The following RAD51B variants were observed in gnomAD, a reference collection of about 807,000 sequenced individuals.
RAD51B encodes the protein DNA repair protein RAD51 homolog 2.
In RAD51B, 38 loss-of-function variants were observed where a neutral mutation model predicts 42.2. That is an observed-to-expected ratio of 0.90 (90% CI 0.70 to 1.18). The LOEUF (loss-of-function observed/expected upper bound fraction) is 1.18, where lower values mean the gene tolerates loss of function less well. RAD51B is among the 50% of genes most tolerant of loss of function. RAD51B has a pLI of 0.00. For missense variants in RAD51B, 373 were observed against 400.7 expected, an observed-to-expected ratio of 0.93 and a Z score of 0.59; for synonymous variants, 154 against 145.2, an observed-to-expected ratio of 1.06 and a Z score of -0.43.
intron 10 of RAD51B, among the ~76,000 whole-genome samples, chr14:68,527,909 G>A (rs1032925687): frequency 6.6e-6 from 1 of 152,164 alleles, no homozygotes; most frequent in Non-Finnish European, 1.5e-5. Context: ...GAATTGTAAG[G>A]ATATTTGTGT....
At chr14:67,968,730 C>T (rs114280353) in intron 7 of RAD51B, among the ~76,000 whole-genome samples, 10,792 of 152,202 alleles carry the variant, frequency 0.071, 944 homozygotes, top group African/African-American at 0.21. Flanking sequence ...CTAGGAGGTT[C>T]CAAACCATCC....
chr14:68,574,978 G>A lies in RAD51B; in HGVS notation c.1037-19507G>A, dbSNP rs1332893261. On this transcript the variant is annotated intron_variant, in intron 10 of 10. Coordinates refer to the RAD51B transcript ENST00000487270. The stretch of plus-strand genomic sequence containing the variant: ...CCAAATCCACTCTGAGGTTAGAGAA[G>A]AGGAAAGCACGCCATTGACTGGTTT... 5.3e-5 allele frequency among the ~76,000 whole-genome samples: 8 copies of A among 152,314 alleles called. No homozygotes were observed. The East Asian group carries it at 1.5e-3, about 29-fold the overall frequency.
At chr14:68,038,289 ATTCTTTAGG>A (rs1226697469) in intron 7 of RAD51B, among the ~76,000 whole-genome samples, 1 of 152,244 alleles carries the variant, frequency 6.6e-6, no homozygotes, top group Non-Finnish European at 1.5e-5. Flanking sequence ...CATAGAAAAC[ATTCTTTAGG>A]ATTCAATTAT....
intron 10 of RAD51B, among the ~76,000 whole-genome samples, chr14:68,558,711 G>A (rs192224928): frequency 7.2e-5 from 11 of 152,142 alleles, no homozygotes; most frequent in African/African-American, 2.4e-4. Context: ...GACACCAGCC[G>A]TATTGGATTG....
At chr14:68,073,947 G>A (rs1471718997) in intron 7 of RAD51B, among the ~76,000 whole-genome samples, 1 of 152,136 alleles carries the variant, frequency 6.6e-6, no homozygotes, top group Non-Finnish European at 1.5e-5. Context: ...CTCTCTAGGT[G>A]CCTTTAATAT....
intron 7 of RAD51B, among the ~76,000 whole-genome samples, chr14:67,952,579 A>T (rs2074473977): frequency 6.6e-6 from 1 of 152,096 alleles, no homozygotes; most frequent in African/African-American, 2.4e-5. Flanking sequence ...GGAAGGACAG[A>T]TGCTATAGCT....
chr14:68,150,126 C>T (rs1317495530), intron 7 of RAD51B, among the ~76,000 whole-genome samples: 1 of 152,036 alleles, frequency 6.6e-6, no homozygotes, highest in African/African-American at 2.4e-5. Context: ...GTATTTTTAA[C>T]AAGAGACAGG....
chr14:68,072,210 T>TATATA (rs2076762885), intron 7 of RAD51B, among the ~76,000 whole-genome samples: 9 of 136,866 alleles, frequency 6.6e-5, no homozygotes, highest in African/African-American at 2.6e-4. Context: ...TTTCTAGGTT[T>TATATA]TATATATATA....
rs185400670 is a variant in RAD51B at position 68,371,520 on chromosome 14, A to G, written c.854-39904A>G. Among the ~76,000 whole-genome samples the G allele has an allele frequency of 5.8e-4, 87 of 149,016 alleles. 1 individual carries two copies. The highest frequency in any genetic ancestry group is 2.3e-3 in the Admixed American group (34 of 14,960). ...CGACACAATGAGACTCCATCTGAAG[A>G]AAAAAAAAAGGGGTTCTGTCCTAGA... On this transcript the variant is annotated intron_variant, in intron 8 of 10. Coordinates refer to ENST00000471583, the MANE Select transcript of RAD51B (RefSeq NM_133510.4).
In RAD51B at chr14:67,864,312, T is replaced by A. The variant is rs1459762677; in HGVS notation, c.316-691T>A. Among the ~76,000 whole-genome samples, 6 of 152,358 alleles carry A rather than the reference T, an allele frequency of 3.9e-5. No individual in the cohort carries two copies. The South Asian group carries it at 8.3e-4, about 21-fold the overall frequency. On this transcript the variant is annotated intron_variant, in intron 4 of 10. Coordinates refer to ENST00000471583, the MANE Select transcript of RAD51B (RefSeq NM_133510.4). ...TATACTCTTTTGATTTCAACTTTTA[T>A]AATCTCAAAATAGTTTTCTGCCAAT...
In RAD51B at chr14:68,240,664, G is replaced by A. The variant is rs1208611100; in HGVS notation, c.757-51220G>A. Among the ~76,000 whole-genome samples, 7 of 152,240 alleles carry A rather than the reference G, an allele frequency of 4.6e-5. No homozygotes were observed. In the East Asian group the frequency reaches 5.8e-4, roughly 13 times the overall value. ...TCTCAAAGAAACAGGTTCTATTCCCGTAGTCGTCCCAACTCACTCATAGGT... is the reference window on the plus strand; with the variant it reads ...TCTCAAAGAAACAGGTTCTATTCCCATAGTCGTCCCAACTCACTCATAGGT... On this transcript the variant is annotated intron_variant, in intron 7 of 10. Coordinates refer to ENST00000471583, the MANE Select transcript of RAD51B (RefSeq NM_133510.4).
At chr14:68,155,487 C>T (rs746169650) in intron 7 of RAD51B, among the ~76,000 whole-genome samples, 11 of 152,154 alleles carry the variant, frequency 7.2e-5, no homozygotes, top group Middle Eastern at 6.8e-3. Flanking sequence ...CCACCGCGCC[C>T]GGCCTATATT....
chr14:68,416,466 A>G (rs1482872382), intron 9 of RAD51B, among the ~76,000 whole-genome samples: 1 of 152,224 alleles, frequency 6.6e-6, no homozygotes, highest in Non-Finnish European at 1.5e-5. Context: ...TACACAGTAG[A>G]TACATTTATT....
At chr14:67,868,787 C>T (rs1201284772) in intron 5 of RAD51B, among the ~76,000 whole-genome samples, 3 of 152,392 alleles carry the variant, frequency 2.0e-5, no homozygotes, top group East Asian at 1.9e-4. Context: ...CCCTGACCCC[C>T]GAGCAGCCTA....
intron 4 of RAD51B, among the ~76,000 whole-genome samples, chr14:67,845,600 C>T (rs377116382): frequency 1.3e-5 from 2 of 152,028 alleles, no homozygotes; most frequent in African/African-American, 2.4e-5. Flanking sequence ...CCCAGGAGGT[C>T]ATTGCTGCAG....
intron 8 of RAD51B, among the ~76,000 whole-genome samples, chr14:68,383,196 T>C (rs1479882494): frequency 1.3e-5 from 2 of 152,244 alleles, no homozygotes; most frequent in African/African-American, 4.8e-5. Context: ...AAGCTATTTA[T>C]ATAACTTTTA....
rs114296288 is a variant in RAD51B at position 68,676,869 on chromosome 14, G to A, written c.*11+26013G>A. Among the ~76,000 whole-genome samples, 337 of 152,344 alleles carry A rather than the reference G, an allele frequency of 2.2e-3. 2 individuals carry two copies. Among genetic ancestry groups the A allele is most frequent in the African/African-American group, 7.7e-3 (319 of 41,588 alleles). On this transcript the variant is annotated intron_variant, in intron 11 of 11. Coordinates refer to the RAD51B transcript ENST00000488612. Reference sequence around the variant, plus strand: ...AGACTGTGTCTCCACATGCAGGCAGGGCCAGCGTGAGGTCAGGATTAACCA... The same window carrying A: ...AGACTGTGTCTCCACATGCAGGCAGAGCCAGCGTGAGGTCAGGATTAACCA...
At chr14:68,335,211 C>T (rs968560476) in intron 8 of RAD51B, among the ~76,000 whole-genome samples, 7 of 146,144 alleles carry the variant, frequency 4.8e-5, no homozygotes, top group Non-Finnish European at 9.0e-5. Context: ...GCAGGAGTAT[C>T]GCTTGAACCC....
intron 7 of RAD51B, among the ~76,000 whole-genome samples, chr14:67,966,624 A>C (rs183319292): frequency 6.6e-6 from 1 of 152,172 alleles, no homozygotes; most frequent in African/African-American, 2.4e-5. Flanking sequence ...ACCTTTCTCT[A>C]TGCATTGACT....
Sources: gnomAD v4.1 joint callset for allele counts (sites outside exome capture counted in the v4.1 genomes callset) on GRCh38, gnomAD v4.1.1 for gene constraint, MANE v1.5 for transcripts, NCBI Gene and HGNC (gene_info 2026-07-23, HGNC 2026-07-21) for gene names.